The following KAT6B variants were observed in gnomAD, a reference collection of about 807,000 sequenced individuals.
KAT6B encodes lysine acetyltransferase 6B, also known as histone acetyltransferase KAT6B.
KAT6B carries 10 observed loss-of-function variants against 187.5 expected under a neutral mutation model. The observed-to-expected ratio is 0.05, with a 90% CI of 0.03 to 0.09. The LOEUF is 0.09. Among genes scored for constraint, KAT6B ranks in the 10% least tolerant of loss-of-function variants. The pLI is 1.00. For synonymous variants in KAT6B, 861 were observed against 926.8 expected, an observed-to-expected ratio of 0.93 and a Z score of 1.29; for missense variants, 1,952 against 2,558.9, an observed-to-expected ratio of 0.76 and a Z score of 5.12.
chr10:74,930,720 A>C (rs1848810207), intron 3 of KAT6B, among the ~76,000 whole-genome samples: 1 of 152,182 alleles, frequency 6.6e-6, no homozygotes, highest in Admixed American at 6.5e-5. Flanking sequence ...TGTATTTGCC[A>C]CTTGTTTGAT....
chr10:74,826,895 GAGGGTC>G (rs1004971271), intron 1 of KAT6B, 110 bp downstream of exon 1: 2 of 151,482 alleles, frequency 1.3e-5, no homozygotes, highest in African/African-American at 4.9e-5. Context: ...GCCTCTGCGC[GAGGGTC>G]ACCGCGGGGC....
At chr10:74,900,081 T>C (rs1001362230) in intron 3 of KAT6B, among the ~76,000 whole-genome samples, 6 of 152,082 alleles carry the variant, frequency 3.9e-5, no homozygotes, top group Non-Finnish European at 5.9e-5. Flanking sequence ...AGAATAACTT[T>C]TCTGATTTTT....
At chr10:74,921,424 T>G (rs1848125439) in intron 3 of KAT6B, among the ~76,000 whole-genome samples, 1 of 152,176 alleles carries the variant, frequency 6.6e-6, no homozygotes, top group South Asian at 2.1e-4. Context: ...TCTAAATATT[T>G]TTAAAGTATA....
intron 16 of KAT6B, 51 bp downstream of exon 16, chr10:75,022,282 T>C: frequency 6.3e-7 from 1 of 1,594,940 alleles, no homozygotes; most frequent in Non-Finnish European, 8.6e-7. Context: ...AAATCTTATT[T>C]GTCATTGCAG....
chr10:74,896,867 G>A (rs953334531), intron 3 of KAT6B, among the ~76,000 whole-genome samples: 1 of 152,078 alleles, frequency 6.6e-6, no homozygotes. Context: ...CTTATTTCAC[G>A]TAAACTGTAC....
intron 3 of KAT6B, among the ~76,000 whole-genome samples, chr10:74,949,666 T>C (rs1840180558): frequency 7.4e-6 from 1 of 135,012 alleles, no homozygotes; most frequent in Admixed American, 6.8e-5. Flanking sequence ...TTAGAAAGAC[T>C]TTCCTTCTCT....
At chr10:74,943,234 A>G (rs1327276127) in intron 3 of KAT6B, among the ~76,000 whole-genome samples, 1 of 152,244 alleles carries the variant, frequency 6.6e-6, no homozygotes, top group African/African-American at 2.4e-5. Context: ...ATCAAATACT[A>G]TGAAAATATA....
chr10:74,935,769 C>T (rs574047797), intron 3 of KAT6B, among the ~76,000 whole-genome samples: 5 of 152,220 alleles, frequency 3.3e-5, no homozygotes, highest in South Asian at 2.1e-4. Flanking sequence ...AAGCATAGAG[C>T]GCCATGTGTA....
At chr10:74,944,808 CAAAA>C (rs58164194) in intron 3 of KAT6B, among the ~76,000 whole-genome samples, 2 of 32,894 alleles carry the variant, frequency 6.1e-5, no homozygotes, top group African/African-American at 1.0e-4. Flanking sequence ...GACTCCGTCT[CAAAA>C]AAAAAAAAAA....
chr10:75,026,787 G>A (rs929079717), intron 17 of KAT6B, among the ~76,000 whole-genome samples: 1 of 152,086 alleles, frequency 6.6e-6, no homozygotes, highest in African/African-American at 2.4e-5. Flanking sequence ...CTCATCTTCT[G>A]ATTTTGGGAG....
intron 13 of KAT6B, among the ~76,000 whole-genome samples, chr10:75,018,328 G>T (rs758705432): frequency 3.9e-5 from 6 of 152,210 alleles, no homozygotes; most frequent in Non-Finnish European, 8.8e-5. Flanking sequence ...GTGACTATCA[G>T]TCATAGCCTG....
intron 3 of KAT6B, among the ~76,000 whole-genome samples, chr10:74,854,456 G>A (rs546283319): frequency 1.3e-5 from 2 of 151,732 alleles, no homozygotes; most frequent in Non-Finnish European, 2.9e-5. Context: ...ATTATGTAGA[G>A]TGTATGTTTT....
chr10:74,959,593 C>G (rs1840944129), intron 3 of KAT6B, among the ~76,000 whole-genome samples: 1 of 152,044 alleles, frequency 6.6e-6, no homozygotes, highest in South Asian at 2.1e-4. Flanking sequence ...AGATCGAGAC[C>G]ATCCTGGCCA....
At chr10:74,860,798 G>A (rs956653191) in intron 3 of KAT6B, among the ~76,000 whole-genome samples, 1 of 152,106 alleles carries the variant, frequency 6.6e-6, no homozygotes, top group African/African-American at 2.4e-5. Flanking sequence ...AGGAGTTCGA[G>A]ACCAGCCTGG....
intron 3 of KAT6B, among the ~76,000 whole-genome samples, chr10:74,943,504 A>T (rs773124018): frequency 1.1e-3 from 169 of 152,326 alleles, no homozygotes; most frequent in Middle Eastern, 6.8e-3. Flanking sequence ...TAGTTTAAAA[A>T]TTTTTTGAAA....
chr10:74,943,229 A>T (rs573830682), intron 3 of KAT6B, among the ~76,000 whole-genome samples: 1 of 152,360 alleles, frequency 6.6e-6, no homozygotes, highest in East Asian at 1.9e-4. Flanking sequence ...ATAGCATCAA[A>T]TACTATGAAA....
At chr10:74,932,347 T>TA (rs1331219557) in intron 3 of KAT6B, among the ~76,000 whole-genome samples, 1 of 152,116 alleles carries the variant, frequency 6.6e-6, no homozygotes, top group Non-Finnish European at 1.5e-5. Flanking sequence ...AACTAAAACT[T>TA]AGAGGAGTCA....
chr10:74,914,984 C>T (rs191858531), intron 3 of KAT6B, among the ~76,000 whole-genome samples: 2 of 151,950 alleles, frequency 1.3e-5, no homozygotes, highest in South Asian at 2.1e-4. Flanking sequence ...CTTGTAGTCC[C>T]AGCTACTCGG....
chr10:74,952,492 G>C (rs2133413835), intron 3 of KAT6B, among the ~76,000 whole-genome samples: 1 of 152,308 alleles, frequency 6.6e-6, no homozygotes, highest in African/African-American at 2.4e-5. Context: ...GAAAGCCAGA[G>C]AGTGAAGGGC....
Sources: gnomAD v4.1 joint callset for allele counts (sites outside exome capture counted in the v4.1 genomes callset) on GRCh38, gnomAD v4.1.1 for gene constraint, MANE v1.5 for transcripts, NCBI Gene and HGNC (gene_info 2026-07-23, HGNC 2026-07-21) for gene names.